Variants in ZNF302 observed in about 807,000 individuals in gnomAD.
ZNF302 encodes zinc finger protein 327.
Under a neutral mutation model 10.8 loss-of-function variants are expected in ZNF302, and 12 were observed. The observed-to-expected ratio is 1.11, with a 90% CI of 0.71 to 1.79. ZNF302 has a LOEUF of 1.79. Among genes scored for constraint, ZNF302 ranks in the 40% most tolerant of loss-of-function variants. ZNF302 has a pLI of 0.00. For synonymous variants in ZNF302, 178 were observed against 157.5 expected, an observed-to-expected ratio of 1.13 and a Z score of -0.98; for missense variants, 461 against 471.1, an observed-to-expected ratio of 0.98 and a Z score of 0.20.
At chr19:34,677,593 G>A (rs1329168116), upstream of ZNF302, 5 of 152,348 alleles carry the variant, frequency 3.3e-5, no homozygotes, top group African/African-American at 4.8e-5. Flanking sequence ...TGGTCTTCGG[G>A]TGCCGGCGGT....
In ZNF302 at chr19:34,684,736, A is replaced by G; in HGVS notation, c.699A>G (p.Glu233=). 6.2e-7 allele frequency: 1 copy of G among 1,614,044 alleles called. No individual in the cohort carries two copies. Among genetic ancestry groups the G allele is most frequent in the Non-Finnish European group, 8.5e-7 (1 of 1,179,938 alleles). ...HTGEKPYECR[E]CGKTFSHGSS... ...GAGAGAAGCCCTATGAATGTCGTGA[A>G]TGTGGGAAGACTTTTAGCCATGGTT... The change falls in exon 5 of 5, where the codon GAA becomes GAG. Residue 233 remains glutamate (E), a synonymous_variant. Transcript: ENST00000505242.
At chr19:34,679,825 T>A (rs113390534) in intron 2 of ZNF302, 1 of 702,444 alleles carries the variant, frequency 1.4e-6, no homozygotes, top group South Asian at 1.5e-5. Flanking sequence ...TTGACTGTTA[T>A]AGCGTCAGTA....
intron 2 of ZNF302, chr19:34,681,451 A>G (rs1277349008): frequency 6.6e-6 from 1 of 152,194 alleles, no homozygotes; most frequent in Admixed American, 6.5e-5. Flanking sequence ...AGGACTGTCT[A>G]TGGCAGGAGT....
At position 34,678,757 on chromosome 19, in the gene ZNF302, T is replaced by C; in HGVS notation, c.-48T>C. On this transcript the variant is annotated 5_prime_UTR_variant, in exon 2 of 5. An upstream open reading frame in the 5' UTR loses its in-frame stop. Transcript: ENST00000505242. The stretch of plus-strand genomic sequence containing the variant: ...CTCAGGACACTGCCCATCTCTAAGA[T>C]AAGAACCTGGAAAGGGGACTCTGTT... The C allele has an allele frequency of 6.2e-7, 1 of 1,613,200 alleles. No homozygotes were observed. Among genetic ancestry groups the C allele is most frequent in the Non-Finnish European group, 8.5e-7 (1 of 1,179,292 alleles).
intron 2 of ZNF302, chr19:34,682,536 C>A: frequency 1.3e-5 from 5 of 387,010 alleles, no homozygotes; most frequent in Middle Eastern, 7.3e-4. Flanking sequence ...TGAAGCAAAG[C>A]TCTCATATTT....
chr19:34,685,766 A>G lies in ZNF302; in HGVS notation c.*529A>G, dbSNP rs1321115648. On this transcript the variant is annotated 3_prime_UTR_variant, in exon 5 of 5. Transcript: ENST00000505242. ...TTTTAGCAATGATGCAGATTTTTTT[A>G]TTAGAGTTTATACTGTAGAGAAATC... 9 of 544,464 alleles carry G rather than the reference A, an allele frequency of 1.7e-5. No homozygotes were observed. Among genetic ancestry groups the G allele is most frequent in the Non-Finnish European group, 2.7e-5 (8 of 300,572 alleles). The allele number at this position is 544,464 out of a possible 1,614,324, so 33.7% of individuals were successfully genotyped here. A position where few individuals can be genotyped will look rare whatever the true frequency, so the allele number is the denominator to read the frequency against.
chr19:34,678,290 G>T (rs1383462409), intron 1 of ZNF302, among the ~76,000 whole-genome samples, 187 bp downstream of exon 1: 1 of 152,140 alleles, frequency 6.6e-6, no homozygotes, highest in Non-Finnish European at 1.5e-5. Context: ...AAAATTAGCT[G>T]GGCGTGGTGG....
Position 34,685,427 on chromosome 19 carries a change from T to C in ZNF302, c.*190T>C. ...TATTAAATGTGGGAAGACCTTCAGCTGTAGTTCAAACCTTACTGTACATCA... is the reference window on the plus strand; with the variant it reads ...TATTAAATGTGGGAAGACCTTCAGCCGTAGTTCAAACCTTACTGTACATCA... On this transcript the variant is annotated 3_prime_UTR_variant, in exon 5 of 5. Coordinates refer to ENST00000505242, the MANE Select transcript of ZNF302 (RefSeq NM_001289187.2). 6.2e-7 allele frequency: 1 copy of C among 1,603,790 alleles called. No homozygotes were observed. The highest frequency in any genetic ancestry group is 8.5e-7 in the Non-Finnish European group (1 of 1,170,956).
intron 1 of ZNF302, 103 bp from the exon 2 acceptor site, chr19:34,678,634 G>GA (rs2068140297): frequency 3.1e-6 from 2 of 636,186 alleles, no homozygotes; most frequent in African/African-American, 3.7e-5. Flanking sequence ...TGACGCTCCG[G>GA]CGAGTGATTA....
chr19:34,678,937 T>A (rs2068174185), intron 2 of ZNF302, 124 bp downstream of exon 2: 6 of 1,157,172 alleles, frequency 5.2e-6, no homozygotes, highest in Non-Finnish European at 7.6e-6. Context: ...ATGGTTCCTT[T>A]CACTATAGGA....
At chr19:34,680,749 C>T (rs144330781) in intron 2 of ZNF302, among the ~76,000 whole-genome samples, 1 of 152,268 alleles carries the variant, frequency 6.6e-6, no homozygotes, top group African/African-American at 2.4e-5. Context: ...GGGATATAGG[C>T]AATTAACACA....
rs759812683 is a variant in ZNF302, at chr19:34,684,832, C to T, written c.795C>T (p.Ala265=). The T allele has an allele frequency of 1.2e-6, 2 of 1,613,830 alleles. No individual in the cohort carries two copies. The highest frequency in any genetic ancestry group is 1.7e-5 in the Admixed American group (1 of 59,992). Residue 265 remains alanine (A), a synonymous_variant, in exon 5 of 5, where the codon GCC becomes GCT. Transcript: ENST00000505242. ...ACAAATGCATTGAATGTGGGAAGGCCTTTAGCCATGGCTCATCACTTACTA... is the reference window on the plus strand; with the variant it reads ...ACAAATGCATTGAATGTGGGAAGGCTTTTAGCCATGGCTCATCACTTACTA... ...KPYKCIECGK[A]FSHGSSLTNH...
chr19:34,680,469 A>T (rs112087151), intron 2 of ZNF302, among the ~76,000 whole-genome samples: 79 of 152,326 alleles, frequency 5.2e-4, no homozygotes, highest in African/African-American at 1.8e-3. Context: ...AATTTTATTT[A>T]ATTATTTTAT....
At position 34,683,244 on chromosome 19, in the gene ZNF302, A is replaced by C. The variant is rs777015697; in HGVS notation, c.214+6A>C. On this transcript the variant is annotated splice_donor_region_variant and intron_variant, in intron 4 of 4. Coordinates refer to ENST00000505242, the MANE Select transcript of ZNF302 (RefSeq NM_001289187.2). ...GGAGAAAAAACTGTCAAAAGGTATGATTCCACATGAGTCATGGTGAACGAG... is the reference window on the plus strand; with the variant it reads ...GGAGAAAAAACTGTCAAAAGGTATGCTTCCACATGAGTCATGGTGAACGAG... 16 of 1,614,060 alleles carry C rather than the reference A, an allele frequency of 9.9e-6. 1 individual carries two copies. The South Asian group carries it at 1.6e-4, about 17-fold the overall frequency.
intron 3 of ZNF302, 26 bp from the exon 4 acceptor site, chr19:34,683,129 C>G: frequency 6.2e-7 from 1 of 1,613,756 alleles, no homozygotes; most frequent in Non-Finnish European, 8.5e-7. Flanking sequence ...ACAGCTTAAA[C>G]AATTCTATAT....
Position 34,679,691 on chromosome 19 carries a change from C to T in ZNF302, c.9+878C>T, listed in dbSNP as rs1259103925. The stretch of plus-strand genomic sequence containing the variant: ...GCAGTCACCTTCCCTAGCGCTTCCA[C>T]TCCTCCATCACTGCTTTGTTGTTTT... On this transcript the variant is annotated intron_variant, in intron 2 of 4. Transcript: ENST00000505242. 9.3e-6 allele frequency: 5 copies of T among 539,440 alleles called. No homozygotes were observed. In the African/African-American group the frequency reaches 9.5e-5, roughly 10 times the overall value. 33.4% of individuals were successfully genotyped at this position (539,440 alleles called of 1,614,324 possible).
At chr19:34,681,493 C>T (rs376802181) in intron 2 of ZNF302, 26 of 152,266 alleles carry the variant, frequency 1.7e-4, no homozygotes, top group African/African-American at 5.5e-4. Flanking sequence ...GGATCAGTTT[C>T]GTGGAAGACA....
chr19:34,683,445 G>A (rs2068465550), intron 4 of ZNF302, among the ~76,000 whole-genome samples: 1 of 152,122 alleles, frequency 6.6e-6, no homozygotes, highest in African/African-American at 2.4e-5. Context: ...CCTAATCAAG[G>A]TTAGAGGTTT....
In ZNF302 at chr19:34,684,493, A is replaced by G. The variant is rs376147480; in HGVS notation, c.456A>G (p.Leu152=). The change falls in exon 5 of 5, where the codon TTA becomes TTG. Residue 152 remains leucine, a synonymous_variant. Coordinates refer to ENST00000505242, the MANE Select transcript of ZNF302 (RefSeq NM_001289187.2). Reference sequence around the variant, plus strand: ...GGAATTCACACAAATATGATATATTAAAGAAGAATTTATCAAAAAAGTCAG... The same window carrying G: ...GGAATTCACACAAATATGATATATTGAAGAAGAATTTATCAAAAAAGTCAG... ...AEGNSHKYDI[L]KKNLSKKSVI... The G allele has an allele frequency of 8.1e-6, 13 of 1,612,512 alleles. No individual in the cohort carries two copies. In the African/African-American group the frequency reaches 1.7e-4, roughly 22 times the overall value.
Sources: gnomAD v4.1 joint callset for allele counts (sites outside exome capture counted in the v4.1 genomes callset) on GRCh38, gnomAD v4.1.1 for gene constraint, MANE v1.5 for transcripts, NCBI Gene and HGNC (gene_info 2026-07-23, HGNC 2026-07-21) for gene names.